PARD3: variants seen among roughly 807,000 people sequenced by gnomAD.
PARD3 encodes the protein par-3 family cell polarity regulator.
PARD3 carries 75 observed loss-of-function variants against 155.4 expected under a neutral mutation model. The ratio of observed to expected loss-of-function variants is 0.48; its 90% CI spans 0.40 to 0.58. The LOEUF (loss-of-function observed/expected upper bound fraction) is 0.58, where lower values mean the gene tolerates loss of function less well. PARD3 is among the 20% of genes least tolerant of loss of function. The probability of loss-of-function intolerance (pLI) is 0.00; values close to 1 mark genes in which losing one functional copy is unlikely to be tolerated. For synonymous variants in PARD3, 576 were observed against 610.5 expected (o/e 0.94, Z 0.83); for missense variants, 1,642 against 1,721.7 (o/e 0.95, Z 0.82).
chr10:34,758,963 G>C (rs1050374595), intron 1 of PARD3, among the ~76,000 whole-genome samples: 2 of 152,164 alleles, frequency 1.3e-5, no homozygotes, highest in African/African-American at 2.4e-5. Context: ...CTATGACATG[G>C]AGGATGATTT....
At chr10:34,111,627 G>T (rs1267947053) in intron 24 of PARD3, 65 bp from the exon 25 acceptor site, 12 of 1,336,252 alleles carry the variant, frequency 9.0e-6, no homozygotes, top group Non-Finnish European at 1.1e-5. Context: ...AGGAAAGGGG[G>T]CAGGATGGGA....
chr10:34,485,000 C>T (rs1174890861), intron 3 of PARD3, among the ~76,000 whole-genome samples: 1 of 152,148 alleles, frequency 6.6e-6, no homozygotes, highest in Non-Finnish European at 1.5e-5. Context: ...GTCATATCCA[C>T]AGAGGCCAGG....
At chr10:34,542,755 C>T (rs1410648705) in intron 2 of PARD3, among the ~76,000 whole-genome samples, 2 of 151,876 alleles carry the variant, frequency 1.3e-5, no homozygotes, top group Admixed American at 1.3e-4. Flanking sequence ...AACTGTAAAA[C>T]TAAAAAAAAG....
At chr10:34,647,825 G>A (rs1019037079) in intron 2 of PARD3, among the ~76,000 whole-genome samples, 1 of 152,190 alleles carries the variant, frequency 6.6e-6, no homozygotes. Flanking sequence ...ACCAAGAAAT[G>A]ATAAATATAT....
At chr10:34,603,271 A>C (rs1332318273) in intron 2 of PARD3, among the ~76,000 whole-genome samples, 1 of 152,202 alleles carries the variant, frequency 6.6e-6, no homozygotes, top group Non-Finnish European at 1.5e-5. Context: ...GGTGCTCCGC[A>C]GCTCTGGTGT....
chr10:34,191,948 C>T (rs745463176), intron 22 of PARD3, among the ~76,000 whole-genome samples: 12 of 152,182 alleles, frequency 7.9e-5, no homozygotes, highest in Admixed American at 2.6e-4. Flanking sequence ...GGCTAAAACA[C>T]GGGCTCAGCT....
intron 22 of PARD3, among the ~76,000 whole-genome samples, chr10:34,177,355 C>A (rs1202061694): frequency 6.6e-6 from 1 of 151,922 alleles, no homozygotes; most frequent in Non-Finnish European, 1.5e-5. Context: ...TATTTTTTTC[C>A]ATTGGGAGCA....
chr10:34,352,678 G>A (rs1376077935), intron 14 of PARD3, among the ~76,000 whole-genome samples: 3 of 152,190 alleles, frequency 2.0e-5, no homozygotes, highest in Non-Finnish European at 2.9e-5. Flanking sequence ...GTGCAGTGGC[G>A]TGATCTCAGC....
intron 2 of PARD3, among the ~76,000 whole-genome samples, chr10:34,583,344 T>C (rs957695494): frequency 2.0e-5 from 3 of 152,148 alleles, no homozygotes; most frequent in African/African-American, 7.2e-5. Flanking sequence ...TTCACAAAAA[T>C]AGGCTGTCAA....
intron 22 of PARD3, among the ~76,000 whole-genome samples, chr10:34,265,700 A>T (rs775440451): frequency 6.6e-6 from 1 of 152,220 alleles, no homozygotes; most frequent in Non-Finnish European, 1.5e-5. Flanking sequence ...TAGTATAAGC[A>T]TATTCTAGAT....
At chr10:34,550,431 C>T (rs571116084) in intron 2 of PARD3, among the ~76,000 whole-genome samples, 101 of 152,244 alleles carry the variant, frequency 6.6e-4, no homozygotes, top group African/African-American at 2.4e-3. Context: ...AGGCTGGTCT[C>T]GAACTCCTAA....
intron 2 of PARD3, among the ~76,000 whole-genome samples, chr10:34,682,343 C>G (rs909210938): frequency 6.8e-6 from 1 of 147,234 alleles, no homozygotes; most frequent in Admixed American, 6.6e-5. Flanking sequence ...TGCTTGAACC[C>G]GGGAGGTGGA....
chr10:34,548,260 A>C lies in PARD3; in HGVS notation c.223-31101T>G, dbSNP rs556337135. 6.3e-4 allele frequency among the ~76,000 whole-genome samples: 96 copies of C among 152,274 alleles called. 1 individual carries two copies. The highest frequency in any genetic ancestry group is 6.2e-3 in the Admixed American group (95 of 15,292). On this transcript the variant is annotated intron_variant, in intron 2 of 24. Transcript: ENST00000374788. ...TCCCAACACATTGGGAGGCTGAGGC[A>C]GGTGAATCACTTGAGGCCAGGAGTT...
intron 5 of PARD3, among the ~76,000 whole-genome samples, chr10:34,444,783 A>AC (rs2132701299): frequency 6.6e-6 from 1 of 152,312 alleles, no homozygotes; most frequent in African/African-American, 2.4e-5. Context: ...AGAATAAGAC[A>AC]CCCCAGACTT....
chr10:34,524,718 G>A (rs1418316032), intron 2 of PARD3, among the ~76,000 whole-genome samples: 1 of 152,166 alleles, frequency 6.6e-6, no homozygotes, highest in Non-Finnish European at 1.5e-5. Context: ...TACTGCTTAA[G>A]TATTAATAAA....
intron 2 of PARD3, among the ~76,000 whole-genome samples, chr10:34,544,912 T>C (rs1310099028): frequency 6.6e-6 from 1 of 152,162 alleles, no homozygotes; most frequent in Non-Finnish European, 1.5e-5. Flanking sequence ...AAAGGTAATA[T>C]AAAGCCCACC....
At chr10:34,648,689 T>A (rs2092918692) in intron 2 of PARD3, among the ~76,000 whole-genome samples, 1 of 152,200 alleles carries the variant, frequency 6.6e-6, no homozygotes, top group Admixed American at 6.5e-5. Flanking sequence ...GCTCACCTCC[T>A]GCTGTGCAGC....
chr10:34,728,007 C>T (rs1057286361), intron 1 of PARD3, among the ~76,000 whole-genome samples: 3 of 152,062 alleles, frequency 2.0e-5, no homozygotes, highest in East Asian at 1.9e-4. Context: ...CATGTCAACC[C>T]GGAGACAATA....
At chr10:34,344,038 T>G (rs1837116079) in intron 15 of PARD3, 1 of 960,778 alleles carries the variant, frequency 1.0e-6, no homozygotes, top group African/African-American at 1.8e-5. Flanking sequence ...TAAATACGTC[T>G]TCTTAAACTC....
Sources: gnomAD v4.1 joint callset for allele counts (sites outside exome capture counted in the v4.1 genomes callset) on GRCh38, gnomAD v4.1.1 for gene constraint, MANE v1.5 for transcripts, NCBI Gene and HGNC (gene_info 2026-07-23, HGNC 2026-07-21) for gene names.